The following PAWR variants were observed in gnomAD, a reference collection of about 807,000 sequenced individuals.
PAWR encodes pro-apoptotic WT1 regulator.
PAWR carries 23 observed loss-of-function variants against 32.0 expected under a neutral mutation model. That is an observed-to-expected ratio of 0.72 (90% CI 0.52 to 1.02). The LOEUF (loss-of-function observed/expected upper bound fraction) is 1.02. Ranked by LOEUF, PAWR falls within the 50% of genes least tolerant of loss-of-function variation. The probability of loss-of-function intolerance (pLI) is 0.00; values close to 1 mark genes in which losing one functional copy is unlikely to be tolerated. For missense variants in PAWR, 457 were observed against 437.7 expected, an observed-to-expected ratio of 1.04 and a Z score of -0.39; for synonymous variants, 226 against 187.1, an observed-to-expected ratio of 1.21 and a Z score of -1.70.
At chr12:79,628,666 G>C (rs1310313831) in intron 2 of PAWR, among the ~76,000 whole-genome samples, 1 of 151,890 alleles carries the variant, frequency 6.6e-6, no homozygotes, top group African/African-American at 2.4e-5. Context: ...TCTCTGTAAA[G>C]AAAAGGATAC....
At position 79,586,261 on chromosome 12, in the gene PAWR, A is replaced by G. The variant is rs1873383642; in HGVS notation, c.*6346T>C. 6.6e-6 allele frequency: 1 copy of G among 152,622 alleles called. No individual in the cohort carries two copies. Among genetic ancestry groups the G allele is most frequent in the South Asian group, 2.1e-4 (1 of 4,824 alleles). 9.5% of individuals were successfully genotyped at this position (152,622 alleles called of 1,614,324 possible). A position where few individuals can be genotyped will look rare whatever the true frequency, so the allele number is the denominator to read the frequency against. ...GCTAACAGTTTTTCAACTTTTCTCA[A>G]TACTATCAGATGAATGTATTCTTAC... On this transcript the variant is annotated 3_prime_UTR_variant, in exon 7 of 7. Transcript: ENST00000328827.
chr12:79,619,651 G>A lies in PAWR; in HGVS notation c.648+1425C>T, dbSNP rs566210348. Among the ~76,000 whole-genome samples, 10 of 152,250 alleles carry A rather than the reference G, an allele frequency of 6.6e-5. No homozygotes were observed. The South Asian group carries it at 2.1e-3, about 32-fold the overall frequency. The stretch of plus-strand genomic sequence containing the variant: ...GTATCATTGAAACGGCTTGTAAAAA[G>A]TACAACTGTTAAGACTGGTACTGGT... On this transcript the variant is annotated intron_variant, in intron 3 of 6. Coordinates refer to ENST00000328827, the MANE Select transcript of PAWR (RefSeq NM_002583.4).
At chr12:79,634,209 A>C (rs1245557693) in intron 2 of PAWR, among the ~76,000 whole-genome samples, 1 of 152,212 alleles carries the variant, frequency 6.6e-6, no homozygotes, top group Non-Finnish European at 1.5e-5. Flanking sequence ...AACAGTTTTC[A>C]AAATAATGTT....
At chr12:79,655,777 A>C (rs1877064348) in intron 2 of PAWR, among the ~76,000 whole-genome samples, 1 of 152,234 alleles carries the variant, frequency 6.6e-6, no homozygotes. Context: ...GTCAAGTATG[A>C]TTACTGCCTC....
Position 79,603,665 on chromosome 12 carries a change from C to CAATTTTTT in PAWR, c.684-7008_684-7007insAAAAAATT, listed in dbSNP as rs1565998443. ...TCAATACATAAACGGCATCATTATG[C>CAATTTTTT]TATTTTTTTTTTTTTTTTTTTTTTT... On this transcript the variant is annotated intron_variant, in intron 4 of 6. Transcript: ENST00000328827. The CAATTTTTT allele has an allele frequency of 4.1e-4, 58 of 141,458 alleles. 1 individual carries two copies. The highest frequency in any genetic ancestry group is 1.5e-3 in the African/African-American group (56 of 38,084). 8.8% of individuals were successfully genotyped at this position (141,458 alleles called of 1,614,324 possible).
intron 4 of PAWR, among the ~76,000 whole-genome samples, chr12:79,598,252 TTAC>T (rs1434303745): frequency 1.3e-5 from 2 of 152,350 alleles, no homozygotes; most frequent in East Asian, 1.9e-4. Flanking sequence ...TGAAAGCCAG[TTAC>T]TACATTTGTT....
intron 3 of PAWR, 32 bp from the exon 4 acceptor site, chr12:79,613,641 GAGTA>G: frequency 8.0e-7 from 1 of 1,245,720 alleles, no homozygotes; most frequent in Non-Finnish European, 1.2e-6. Context: ...GTATCAGTTT[GAGTA>G]TGTATGTACA....
At chr12:79,640,733 C>A (rs1876281955) in intron 2 of PAWR, among the ~76,000 whole-genome samples, 2 of 152,050 alleles carry the variant, frequency 1.3e-5, no homozygotes, top group South Asian at 4.1e-4. Flanking sequence ...GGTGCCAGAG[C>A]AAGACCCTGT....
chr12:79,588,888 CA>C lies in PAWR; in HGVS notation c.*3718del, dbSNP rs1484011089. On this transcript the variant is annotated 3_prime_UTR_variant, in exon 7 of 7. Coordinates refer to ENST00000328827, the MANE Select transcript of PAWR (RefSeq NM_002583.4). The stretch of plus-strand genomic sequence containing the variant: ...GGGAAACAATCAACTTCCATATATC[CA>C]GGAGAAACTTAGCATGGGGGGAGGT... 1 of 151,870 alleles carries C rather than the reference CA, an allele frequency of 6.6e-6. No homozygotes were observed. The highest frequency in any genetic ancestry group is 1.9e-4 in the East Asian group (1 of 5,192). 9.4% of individuals were successfully genotyped at this position (151,870 alleles called of 1,614,324 possible).
At chr12:79,665,600 TC>T (rs1877564689) in intron 2 of PAWR, among the ~76,000 whole-genome samples, 1 of 152,184 alleles carries the variant, frequency 6.6e-6, no homozygotes, top group Non-Finnish European at 1.5e-5. Context: ...AAGATGAACT[TC>T]CCCTTTCATT....
At chr12:79,685,268 G>A (rs2463169) in intron 2 of PAWR, among the ~76,000 whole-genome samples, 54,239 of 151,942 alleles carry the variant, frequency 0.36, 16,530 homozygotes, top group African/African-American at 0.83. Context: ...CCCCATTCAC[G>A]AATCAAATTT....
rs776716385 is a variant in PAWR, at chr12:79,594,365, A to C, written c.900T>G (p.Ile300Met). Residue 300 changes from isoleucine to methionine, a missense_variant, in exon 6 of 7, where the codon ATT becomes ATG. Transcript: ENST00000328827. ...AATCAATTTCTTCTTTGAGTTTTCC[A>C]ATCATTTCCTCTTTATCTTGCATCA... ...VRLMQDKEEMIGKLKEEIDLL... is the reference protein window; with the variant it reads ...VRLMQDKEEMMGKLKEEIDLL... 1.9e-6 allele frequency: 3 copies of C among 1,556,488 alleles called. No individual in the cohort carries two copies. The Middle Eastern group carries it at 5.0e-4, about 262-fold the overall frequency.
intron 6 of PAWR, among the ~76,000 whole-genome samples, chr12:79,593,614 C>T (rs865818239): frequency 4.1e-4 from 61 of 149,638 alleles, no homozygotes; most frequent in Admixed American, 1.3e-3. Flanking sequence ...GAGCTGAGAT[C>T]GCGCCACTGA....
chr12:79,652,389 T>C (rs946141141), intron 2 of PAWR, among the ~76,000 whole-genome samples: 2 of 152,200 alleles, frequency 1.3e-5, no homozygotes, highest in African/African-American at 4.8e-5. Flanking sequence ...AAGATACTCA[T>C]TGGCTAAATA....
intron 2 of PAWR, among the ~76,000 whole-genome samples, chr12:79,644,520 G>A (rs549633065): frequency 6.6e-6 from 1 of 152,192 alleles, no homozygotes; most frequent in South Asian, 2.1e-4. Context: ...CTCTACCTCA[G>A]TTGTTTTCCT....
In PAWR at chr12:79,673,143, C is replaced by T. The variant is rs1877991749; in HGVS notation, c.516+16586G>A. Among the ~76,000 whole-genome samples the T allele has an allele frequency of 1.3e-5, 2 of 152,086 alleles. 1 individual carries two copies. ...GGAGTGCAGTGGTGTGATCTTGGCTCACTGCAAGCTCCGCCTCCCAGGTTC... is the reference window on the plus strand; with the variant it reads ...GGAGTGCAGTGGTGTGATCTTGGCTTACTGCAAGCTCCGCCTCCCAGGTTC... On this transcript the variant is annotated intron_variant, in intron 2 of 6. Coordinates refer to ENST00000328827, the MANE Select transcript of PAWR (RefSeq NM_002583.4).
At position 79,690,261 on chromosome 12, in the gene PAWR, G is replaced by A. The variant is rs1878944503; in HGVS notation, c.-17C>T. ...GGTCGCCATATTCCCAAAGGGGCCG[G>A]TCGGGCTCTCACCTCAGGCCGCCCA... On this transcript the variant is annotated 5_prime_UTR_variant, in exon 2 of 7. Transcript: ENST00000328827. 2 of 1,487,356 alleles carry A rather than the reference G, an allele frequency of 1.3e-6. No individual in the cohort carries two copies. The highest frequency in any genetic ancestry group is 1.8e-6 in the Non-Finnish European group (2 of 1,123,322). The allele number at this position is 1,487,356 out of a possible 1,614,324, so 92.1% of individuals were successfully genotyped here.
rs115345850 is a variant in PAWR at position 79,587,262 on chromosome 12, G to C, written c.*5345C>G. ...GGATGCTTTTCCTCTTGTTAGACTT[G>C]TATGACATTACTGAGAAGATTTAGA... On this transcript the variant is annotated 3_prime_UTR_variant, in exon 7 of 7. Coordinates refer to ENST00000328827, the MANE Select transcript of PAWR (RefSeq NM_002583.4). 26 of 152,050 alleles carry C rather than the reference G, an allele frequency of 1.7e-4. No individual in the cohort carries two copies. Among genetic ancestry groups the C allele is most frequent in the African/African-American group, 6.3e-4 (26 of 41,438 alleles). 9.4% of individuals were successfully genotyped at this position (152,050 alleles called of 1,614,324 possible).
At position 79,588,240 on chromosome 12, in the gene PAWR, C is replaced by T. The variant is rs1238232456; in HGVS notation, c.*4367G>A. ...ACCAGAGTAACTGTCGATATGTGAA[C>T]TGTAGATTAGAACAGACTTACATAT... On this transcript the variant is annotated 3_prime_UTR_variant, in exon 7 of 7. Coordinates refer to ENST00000328827, the MANE Select transcript of PAWR (RefSeq NM_002583.4). 3 of 151,926 alleles carry T rather than the reference C, an allele frequency of 2.0e-5. No homozygotes were observed. Among genetic ancestry groups the T allele is most frequent in the Non-Finnish European group, 4.4e-5 (3 of 67,824 alleles). 9.4% of individuals were successfully genotyped at this position (151,926 alleles called of 1,614,324 possible).
Sources: allele counts gnomAD v4.1 joint callset (sites outside exome capture counted in the v4.1 genomes callset), GRCh38; gene constraint gnomAD v4.1.1; transcripts MANE v1.5; gene names NCBI Gene and HGNC (gene_info 2026-07-23, HGNC 2026-07-21).